RUNX1T1: variants seen among roughly 807,000 people sequenced by gnomAD.
RUNX1T1 encodes protein CBFA2T1.
RUNX1T1 carries 4 observed loss-of-function variants against 62.8 expected under a neutral mutation model. The observed-to-expected ratio is 0.06, with a 90% CI of 0.03 to 0.15. The LOEUF (loss-of-function observed/expected upper bound fraction) is 0.15. Ranked by LOEUF, RUNX1T1 falls within the 10% of genes least tolerant of loss-of-function variation. RUNX1T1 has a pLI of 1.00. For missense variants in RUNX1T1, 508 were observed against 754.3 expected (o/e 0.67, Z 3.82); for synonymous variants, 291 against 286.0 (o/e 1.02, Z -0.18).
exon 11 of RUNX1T1, chr8:91,959,127 T>C (rs977018090): frequency 1.8e-5 from 4 of 217,216 alleles, no homozygotes; most frequent in South Asian, 1.9e-4. Flanking sequence ...AAAAACACCA[T>C]TGGGAAACCT....
intron 9 of RUNX1T1, among the ~76,000 whole-genome samples, chr8:91,974,923 A>G (rs1167752612): frequency 6.6e-6 from 1 of 152,216 alleles, no homozygotes; most frequent in East Asian, 1.9e-4. Context: ...CAAGTTACAC[A>G]GAACTACAAA....
chr8:91,967,085 T>C (rs1811787838), intron 10 of RUNX1T1, among the ~76,000 whole-genome samples: 1 of 152,078 alleles, frequency 6.6e-6, no homozygotes, highest in Non-Finnish European at 1.5e-5. Context: ...TTTTTATCAG[T>C]AAAATGAGGA....
intron 1 of RUNX1T1, among the ~76,000 whole-genome samples, chr8:92,025,009 A>G (rs1182755247): frequency 6.6e-6 from 1 of 152,170 alleles, no homozygotes; most frequent in African/African-American, 2.4e-5. Context: ...AGCACTCCGG[A>G]AAGGGTGACT....
chr8:91,956,269 C>T (rs187930483), downstream of RUNX1T1: 97 of 232,042 alleles, frequency 4.2e-4, 1 homozygote, highest in African/African-American at 2.0e-3. Flanking sequence ...ACTCTTCCTA[C>T]TCCTCCTGCC....
At chr8:92,050,680 C>T (rs542008271) in intron 1 of RUNX1T1, among the ~76,000 whole-genome samples, 8 of 152,252 alleles carry the variant, frequency 5.3e-5, no homozygotes, top group South Asian at 2.1e-4. Flanking sequence ...AAACATGGTG[C>T]GTCAATGGAT....
At chr8:92,078,471 C>G (rs1321484696) in intron 1 of RUNX1T1, among the ~76,000 whole-genome samples, 1 of 151,886 alleles carries the variant, frequency 6.6e-6, no homozygotes, top group Non-Finnish European at 1.5e-5. Context: ...AACCTCATTA[C>G]GAGGGGAACA....
chr8:92,007,709 G>A (rs1175610373), intron 4 of RUNX1T1, among the ~76,000 whole-genome samples: 1 of 151,870 alleles, frequency 6.6e-6, no homozygotes, highest in Admixed American at 6.6e-5. Flanking sequence ...TTACATCTCT[G>A]ACCATAGAAA....
At chr8:92,006,578 T>G (rs1287613790) in intron 4 of RUNX1T1, 1 of 151,406 alleles carries the variant, frequency 6.6e-6, no homozygotes, top group Non-Finnish European at 1.5e-5. Flanking sequence ...TCAAATTCAT[T>G]TTTTTTTTCC....
At chr8:92,006,979 G>A (rs914481293) in intron 4 of RUNX1T1, among the ~76,000 whole-genome samples, 4 of 152,068 alleles carry the variant, frequency 2.6e-5, no homozygotes, top group Non-Finnish European at 5.9e-5. Flanking sequence ...CAATGGAAAT[G>A]ACTTCCTACA....
chr8:91,970,058 T>TGTGTGTGA (rs1370769755), intron 10 of RUNX1T1, among the ~76,000 whole-genome samples: 12 of 140,454 alleles, frequency 8.5e-5, no homozygotes, highest in African/African-American at 9.7e-5. Flanking sequence ...TGTGTGTGTG[T>TGTGTGTGA]GAGAATTATT....
At position 92,009,064 on chromosome 8, in the gene RUNX1T1, G is replaced by A. The variant is rs930261366; in HGVS notation, c.477+1938C>T. Among the ~76,000 whole-genome samples the A allele has an allele frequency of 9.9e-5, 15 of 152,274 alleles. 1 individual carries two copies. Among genetic ancestry groups the A allele is most frequent in the Admixed American group, 9.8e-4 (15 of 15,296 alleles). On this transcript the variant is annotated intron_variant, in intron 4 of 10. Coordinates refer to ENST00000396218, the Ensembl canonical transcript of RUNX1T1. ...CTAATGGGAAACATGCATGCCTCCAGTTTCAAATTTAAACGTATGGATGGT... is the reference window on the plus strand; with the variant it reads ...CTAATGGGAAACATGCATGCCTCCAATTTCAAATTTAAACGTATGGATGGT...
chr8:92,026,844 G>A (rs1159201191), intron 1 of RUNX1T1, among the ~76,000 whole-genome samples: 6 of 134,348 alleles, frequency 4.5e-5, no homozygotes, highest in African/African-American at 5.7e-5. Flanking sequence ...ACGGCCGGGC[G>A]CGGTGGCTCA....
At chr8:92,076,195 A>G in intron 1 of RUNX1T1, 58 bp from the exon 2 acceptor site, 2 of 1,354,570 alleles carry the variant, frequency 1.5e-6, no homozygotes, top group East Asian at 5.3e-5. Context: ...CTGAAGTATC[A>G]TACCCATCTG....
chr8:92,060,886 T>C (rs2130583918), intron 1 of RUNX1T1, among the ~76,000 whole-genome samples: 1 of 152,130 alleles, frequency 6.6e-6, no homozygotes, highest in East Asian at 1.9e-4. Flanking sequence ...TAATATATTC[T>C]ATGTATCCAA....
In RUNX1T1 at chr8:92,014,430, CACTATAGCATGAATCAG is replaced by C. The variant is rs1392734052; in HGVS notation, c.387+132_387+148del. On this transcript the variant is annotated intron_variant, in intron 3 of 10. Transcript: ENST00000396218. ...TATAATGCAGAATTTAAAAGACTGT[CACTATAGCATGAATCAG>C]ACTTGCACACAATCTTCAGATGTAG... The C allele has an allele frequency of 3.5e-5, 25 of 712,838 alleles. No individual in the cohort carries two copies. The African/African-American group carries it at 4.4e-4, about 12-fold the overall frequency. The allele number at this position is 712,838 out of a possible 1,614,324, so 44.2% of individuals were successfully genotyped here.
intron 5 of RUNX1T1, chr8:92,003,209 A>C: frequency 2.6e-6 from 1 of 378,206 alleles, no homozygotes; most frequent in South Asian, 2.1e-5. Flanking sequence ...TGATGCATGC[A>C]CAGCGACAGA....
At chr8:92,034,793 TATATACACACAC>T (rs1231306980) in intron 1 of RUNX1T1, among the ~76,000 whole-genome samples, 3 of 73,952 alleles carry the variant, frequency 4.1e-5, no homozygotes, top group Non-Finnish European at 5.9e-5. Flanking sequence ...TATATATACA[TATATACACACAC>T]ACACACACAC....
exon 6 of RUNX1T1, chr8:91,991,798 G>T: frequency 6.2e-7 from 1 of 1,614,132 alleles, no homozygotes; most frequent in Non-Finnish European, 8.5e-7. Flanking sequence ...CCGTTATTTG[G>T]ACTGTACCGC....
intron 10 of RUNX1T1, among the ~76,000 whole-genome samples, chr8:91,966,930 C>T (rs1016863173): frequency 6.6e-6 from 1 of 151,982 alleles, no homozygotes; most frequent in Non-Finnish European, 1.5e-5. Flanking sequence ...AAAAAACAAA[C>T]AAACAAACAA....
Sources: allele counts gnomAD v4.1 joint callset (sites outside exome capture counted in the v4.1 genomes callset), GRCh38; gene constraint gnomAD v4.1.1; transcripts MANE v1.5; gene names NCBI Gene and HGNC (gene_info 2026-07-23, HGNC 2026-07-21).